EIF2S3: variants seen among roughly 807,000 people sequenced by gnomAD.
EIF2S3 encodes the protein eukaryotic translation initiation factor 2 subunit gamma.
Under a neutral mutation model 31.7 loss-of-function variants are expected in EIF2S3, and 2 were observed. The observed-to-expected ratio is 0.06, with a 90% CI of 0.03 to 0.20. The LOEUF (loss-of-function observed/expected upper bound fraction) is 0.20. Among genes scored for constraint, EIF2S3 ranks in the 10% least tolerant of loss-of-function variants. The pLI, the probability that EIF2S3 is intolerant of heterozygous loss-of-function variation, is 1.00. For synonymous variants in EIF2S3, 120 were observed against 126.7 expected, an observed-to-expected ratio of 0.95 and a Z score of 0.36; for missense variants, 96 against 359.3, an observed-to-expected ratio of 0.27 and a Z score of 5.92.
At chrX:24,065,344 G>T (rs1307268420) in intron 7 of EIF2S3, among the ~76,000 whole-genome samples, 1 of 111,963 alleles carries the variant, frequency 8.9e-6, no homozygotes, top group African/African-American at 3.3e-5. Context: ...GCTGGGCATG[G>T]TGGCTTTCAC....
intron 10 of EIF2S3, among the ~76,000 whole-genome samples, 173 bp downstream of exon 10, chrX:24,071,900 G>A (rs192359683): frequency 9.2e-6 from 1 of 108,135 alleles, no homozygotes; most frequent in Admixed American, 1.0e-4. Flanking sequence ...TAGAGATGGA[G>A]TCTCTCGCTC....
At chrX:24,060,417 GA>G (rs1230566068) in intron 5 of EIF2S3, 4 of 391,570 alleles carry the variant, frequency 1.0e-5, no homozygotes, top group Non-Finnish European at 1.8e-5. Flanking sequence ...TTGAGAAAAA[GA>G]AAAAAAGTCA....
At position 24,062,340 on chromosome X, in the gene EIF2S3, C is replaced by A. The variant is rs776983136; in HGVS notation, c.479-76C>A. On this transcript the variant is annotated intron_variant, in intron 5 of 11. Transcript: ENST00000253039. ...TTGCAACCCATAATTTGCTTTGTCT[C>A]TTTATGGATTTGCCCGCCTATTCTG... 4 of 1,093,996 alleles carry A rather than the reference C, an allele frequency of 3.7e-6. No homozygotes were observed. The African/African-American group carries it at 7.5e-5, about 21-fold the overall frequency. The allele number at this position is 1,093,996 out of a possible 1,213,427, so 90.2% of individuals were successfully genotyped here.
In EIF2S3 at chrX:24,057,455, A is replaced by G; in HGVS notation, c.168A>G (p.Thr56=). The part of the protein sequence containing the change: ...TIGHVAHGKS[T]VVKAISGVHT... ...GTCATGTAGCTCATGGGAAATCCACAGTCGTCAAAGCTATTTCTGGAGTTC... is the reference window on the plus strand; with the variant it reads ...GTCATGTAGCTCATGGGAAATCCACGGTCGTCAAAGCTATTTCTGGAGTTC... The change falls in exon 3 of 12, where the codon ACA becomes ACG. Residue 56 remains threonine (T), a synonymous_variant. Coordinates refer to ENST00000253039, the MANE Select transcript of EIF2S3 (RefSeq NM_001415.4). 3 of 1,208,050 alleles carry G rather than the reference A, an allele frequency of 2.5e-6. No homozygotes were observed. Among genetic ancestry groups the G allele is most frequent in the Non-Finnish European group, 3.4e-6 (3 of 894,530 alleles).
At chrX:24,055,168 T>G (rs1930381432) in intron 1 of EIF2S3, 131 bp downstream of exon 1, 2 of 754,287 alleles carry the variant, frequency 2.7e-6, no homozygotes, top group African/African-American at 4.2e-5. Context: ...GACCTGGAAC[T>G]GGGCGCCCTA....
chrX:24,065,576 C>T (rs1028932080), intron 7 of EIF2S3, among the ~76,000 whole-genome samples: 2 of 111,528 alleles, frequency 1.8e-5, no homozygotes, highest in Non-Finnish European at 3.8e-5. Flanking sequence ...TATGATTGTG[C>T]CACTGCACTC....
intron 2 of EIF2S3, among the ~76,000 whole-genome samples, chrX:24,056,490 G>A (rs1271342093): frequency 8.9e-6 from 1 of 112,023 alleles, no homozygotes; most frequent in African/African-American, 3.2e-5. Context: ...TTCCTTGTTT[G>A]TTCACAGATC....
At chrX:24,065,456 A>G (rs1279538358) in intron 7 of EIF2S3, among the ~76,000 whole-genome samples, 4 of 110,935 alleles carry the variant, frequency 3.6e-5, no homozygotes, top group Non-Finnish European at 7.5e-5. Flanking sequence ...CCCCATTTCT[A>G]CAAAAAATAA....
At chrX:24,066,531 T>G (rs1602045021) in intron 8 of EIF2S3, among the ~76,000 whole-genome samples, 1 of 107,950 alleles carries the variant, frequency 9.3e-6, no homozygotes. Context: ...TTCTTTTTTT[T>G]TTTTTTCTTG....
At chrX:24,069,936 C>T (rs1206062122) in intron 9 of EIF2S3, among the ~76,000 whole-genome samples, 4 of 109,536 alleles carry the variant, frequency 3.7e-5, no homozygotes, top group Non-Finnish European at 7.6e-5. Flanking sequence ...AGTGATCTGC[C>T]CTCCTTGGCC....
In EIF2S3 at chrX:24,058,540, T is replaced by C. The variant is rs964397576; in HGVS notation, c.383+786T>C. On this transcript the variant is annotated intron_variant, in intron 4 of 11. Coordinates refer to ENST00000253039, the MANE Select transcript of EIF2S3 (RefSeq NM_001415.4). ...TGCATATATTTTTTTTTCTTTCTTT[T>C]TTTTTTTTTTTTTTTTGAGACAGTC... Among the ~76,000 whole-genome samples, 101 of 30,512 alleles carry C rather than the reference T, an allele frequency of 3.3e-3. No individual in the cohort carries two copies. The East Asian group carries it at 0.038, about 11-fold the overall frequency. 26.5% of individuals were successfully genotyped at this position (30,512 alleles called of 115,157 possible).
In EIF2S3 at chrX:24,077,769, GTTGT is replaced by G. The variant is rs1483166346; in HGVS notation, c.*987_*990del. ...GTGATGCCTTGAGATTTTTTTCTGC[GTTGT>G]TTAATGCCTGAAATCCAAGTCTTCC... On this transcript the variant is annotated 3_prime_UTR_variant, in exon 12 of 12. Transcript: ENST00000253039. 9.0e-6 allele frequency: 1 copy of G among 111,645 alleles called. No homozygotes were observed. The highest frequency in any genetic ancestry group is 1.9e-5 in the Non-Finnish European group (1 of 53,149). 9.2% of individuals were successfully genotyped at this position (111,645 alleles called of 1,213,427 possible).
At chrX:24,067,192 C>T (rs1343203469) in intron 8 of EIF2S3, among the ~76,000 whole-genome samples, 3 of 111,099 alleles carry the variant, frequency 2.7e-5, no homozygotes, top group East Asian at 2.8e-4. Flanking sequence ...TACAGGCACT[C>T]GCAACCTCGC....
chrX:24,062,970 A>G (rs1488717974), intron 6 of EIF2S3, among the ~76,000 whole-genome samples: 1 of 112,221 alleles, frequency 8.9e-6, no homozygotes, highest in Non-Finnish European at 1.9e-5. Flanking sequence ...TCGGCCGGGC[A>G]TGGTGGCTCA....
At chrX:24,069,277 G>A (rs1378721788) in intron 9 of EIF2S3, among the ~76,000 whole-genome samples, 1 of 107,684 alleles carries the variant, frequency 9.3e-6, no homozygotes, top group Non-Finnish European at 1.9e-5. Flanking sequence ...GGCTACTCGG[G>A]AGGCTGAGGC....
chrX:24,072,526 G>T lies in EIF2S3; in HGVS notation c.1183-565G>T, dbSNP rs767852292. On this transcript the variant is annotated intron_variant, in intron 10 of 11. Transcript: ENST00000253039. ...TCCAACTCCTGGGCTTGAGCAATCT[G>T]CCCACCCCAGCCTCCGAAAATGCTG... Among the ~76,000 whole-genome samples the T allele has an allele frequency of 2.7e-5, 3 of 111,268 alleles. No individual in the cohort carries two copies. In the South Asian group the frequency reaches 1.1e-3, roughly 42 times the overall value.
Position 24,076,888 on chromosome X carries a change from C to G in EIF2S3, c.*103C>G. On this transcript the variant is annotated 3_prime_UTR_variant, in exon 12 of 12. Transcript: ENST00000253039. ...AAGCAATATTGGGGAATTGATTTCA[C>G]AGTTCGTTACCTTAGTAGGTAACGG... 1 of 529,232 alleles carries G rather than the reference C, an allele frequency of 1.9e-6. No individual in the cohort carries two copies. The highest frequency in any genetic ancestry group is 2.9e-6 in the Non-Finnish European group (1 of 348,778). 43.6% of individuals were successfully genotyped at this position (529,232 alleles called of 1,213,427 possible).
At chrX:24,067,931 C>T (rs1555984184) in intron 8 of EIF2S3, 33 bp from the exon 9 acceptor site, 68 of 1,151,244 alleles carry the variant, frequency 5.9e-5, no homozygotes, top group Non-Finnish European at 7.3e-5. Flanking sequence ...TTGCGTAACA[C>T]AGTAATTCTA....
chrX:24,060,886 T>G (rs1471855896), intron 5 of EIF2S3, among the ~76,000 whole-genome samples: 1 of 91,530 alleles, frequency 1.1e-5, no homozygotes, highest in African/African-American at 4.2e-5. Context: ...AGGCAGAGGT[T>G]GCAGTGAGCC....
Sources: allele counts gnomAD v4.1 joint callset (sites outside exome capture counted in the v4.1 genomes callset), GRCh38; gene constraint gnomAD v4.1.1; transcripts MANE v1.5; gene names NCBI Gene and HGNC (gene_info 2026-07-23, HGNC 2026-07-21).